RBFOX1: variants seen among roughly 807,000 people sequenced by gnomAD.
RBFOX1 encodes RNA binding fox-1 homolog 1.
A neutral mutation model predicts 57.7 loss-of-function variants in RBFOX1; 8 were observed. The observed-to-expected ratio is 0.14, with a 90% CI of 0.08 to 0.25. RBFOX1 has a LOEUF of 0.25. Among genes scored for constraint, RBFOX1 ranks in the 10% least tolerant of loss-of-function variants. The pLI is 1.00. For missense variants in RBFOX1, 611 were observed against 548.5 expected, an observed-to-expected ratio of 1.11 and a Z score of -1.14; for synonymous variants, 326 against 222.4, an observed-to-expected ratio of 1.47 and a Z score of -4.15.
At chr16:6,527,424 AT>A (rs1228031120) in intron 2 of RBFOX1, among the ~76,000 whole-genome samples, 6 of 152,112 alleles carry the variant, frequency 3.9e-5, no homozygotes, top group African/African-American at 1.4e-4. Flanking sequence ...CACTTAATGT[AT>A]TTTTGGGGCT....
chr16:6,311,837 C>G (rs149611240), intron 1 of RBFOX1, among the ~76,000 whole-genome samples: 1 of 152,140 alleles, frequency 6.6e-6, no homozygotes, highest in Non-Finnish European at 1.5e-5. Flanking sequence ...GTTCACTTCT[C>G]CCATCCCAGG....
chr16:7,309,452 T>C (rs1334796651), intron 4 of RBFOX1, among the ~76,000 whole-genome samples: 1 of 152,236 alleles, frequency 6.6e-6, no homozygotes, highest in Non-Finnish European at 1.5e-5. Context: ...GCCATTCGCC[T>C]GCTCTGCCTG....
intron 1 of RBFOX1, among the ~76,000 whole-genome samples, chr16:6,312,653 T>TTTCCTTCCTTCC (rs71145211): frequency 7.9e-5 from 10 of 126,560 alleles, no homozygotes; most frequent in South Asian, 6.1e-4. Context: ...TAGTTCCTTC[T>TTTCCTTCCTTCC]TTCCTTCCTT....
chr16:7,252,518 G>T (rs1185188159), intron 4 of RBFOX1, among the ~76,000 whole-genome samples: 2 of 152,042 alleles, frequency 1.3e-5, no homozygotes, highest in Non-Finnish European at 2.9e-5. Flanking sequence ...TATATTTCTG[G>T]CTTTTCATTA....
rs71145238 is a variant in RBFOX1, at chr16:6,506,624, A to ATTTT, written c.-63-147941_-63-147938dup. On this transcript the variant is annotated intron_variant, in intron 2 of 15. Coordinates refer to ENST00000550418, the MANE Select transcript of RBFOX1 (RefSeq NM_018723.4). ...ACGGTAATAACAATCACAGTAGCTA[A>ATTTT]TTTTTTTTTTTTTTTTTTTTTTTTT... 3.1e-4 allele frequency among the ~76,000 whole-genome samples: 31 copies of ATTTT among 98,458 alleles called. 1 individual carries two copies. The highest frequency in any genetic ancestry group is 8.3e-4 in the African/African-American group (19 of 22,972). 64.6% of individuals were successfully genotyped at this position (98,458 alleles called of 152,430 possible).
At chr16:6,678,689 G>A (rs533016406) in intron 3 of RBFOX1, among the ~76,000 whole-genome samples, 46 of 151,948 alleles carry the variant, frequency 3.0e-4, no homozygotes, top group Middle Eastern at 3.4e-3. Context: ...CAAATGTAGG[G>A]AATCCTTTAA....
intron 1 of RBFOX1, among the ~76,000 whole-genome samples, chr16:5,336,517 T>A (rs2151286028): frequency 6.6e-6 from 1 of 152,308 alleles, no homozygotes; most frequent in East Asian, 1.9e-4. Context: ...TGTGTGTGGA[T>A]GAGCCGTCCT....
intron 15 of RBFOX1, chr16:7,709,432 A>G (rs1474577512): frequency 1.5e-6 from 2 of 1,334,112 alleles, no homozygotes; most frequent in Non-Finnish European, 9.9e-7. Flanking sequence ...AACAGAATGC[A>G]GTGTCAATGC....
At chr16:5,908,980 C>G (rs1679988833) in intron 4 of RBFOX1, among the ~76,000 whole-genome samples, 1 of 151,846 alleles carries the variant, frequency 6.6e-6, no homozygotes. Context: ...CTGCTAGAGA[C>G]TTGATCTTGG....
intron 7 of RBFOX1, among the ~76,000 whole-genome samples, chr16:7,591,200 T>C (rs572314044): frequency 7.0e-4 from 107 of 152,188 alleles, no homozygotes; most frequent in African/African-American, 2.3e-3. Context: ...GCAGGAGAAG[T>C]TGCATGTGCA....
chr16:5,898,575 A>G (rs1372841606), intron 4 of RBFOX1, among the ~76,000 whole-genome samples: 2 of 151,166 alleles, frequency 1.3e-5, no homozygotes, highest in Non-Finnish European at 2.9e-5. Context: ...AATCCTCTCT[A>G]CAATGAGCAT....
At chr16:6,174,509 C>T (rs1421096053) in intron 1 of RBFOX1, among the ~76,000 whole-genome samples, 4 of 152,064 alleles carry the variant, frequency 2.6e-5, no homozygotes, top group Non-Finnish European at 4.4e-5. Context: ...GCACAAGAGT[C>T]GCTTGAACCC....
chr16:7,195,465 A>T (rs1016067981), intron 4 of RBFOX1, among the ~76,000 whole-genome samples: 3 of 152,216 alleles, frequency 2.0e-5, no homozygotes, highest in Non-Finnish European at 4.4e-5. Flanking sequence ...TGGCAAGGCA[A>T]AACAGAACAA....
intron 13 of RBFOX1, among the ~76,000 whole-genome samples, chr16:7,676,346 C>G (rs1254581078): frequency 2.6e-5 from 4 of 152,238 alleles, no homozygotes; most frequent in Middle Eastern, 6.8e-3. Flanking sequence ...AAAGCATTCA[C>G]TTTATAAGAA....
chr16:7,275,944 C>A (rs2095431819), intron 4 of RBFOX1, among the ~76,000 whole-genome samples: 1 of 152,126 alleles, frequency 6.6e-6, no homozygotes, highest in South Asian at 2.1e-4. Context: ...CTCCAAACAC[C>A]ACCACCACCA....
upstream of RBFOX1, among the ~76,000 whole-genome samples, chr16:6,014,598 A>G (rs992024525): frequency 6.6e-6 from 1 of 152,132 alleles, no homozygotes; most frequent in Non-Finnish European, 1.5e-5. Flanking sequence ...ATAAGGTGCA[A>G]TCCATTCCCC....
intron 4 of RBFOX1, among the ~76,000 whole-genome samples, chr16:7,479,728 G>T (rs552719211): frequency 7.9e-5 from 12 of 152,146 alleles, no homozygotes; most frequent in Admixed American, 1.3e-4. Flanking sequence ...GGGGGCAGGT[G>T]TAGGTGATTG....
At chr16:6,274,171 A>G (rs1194760025) in intron 1 of RBFOX1, among the ~76,000 whole-genome samples, 1 of 152,346 alleles carries the variant, frequency 6.6e-6, no homozygotes, top group South Asian at 2.1e-4. Context: ...ACACGCAGTT[A>G]TCAGATAACC....
chr16:6,434,353 C>G (rs1357670458), intron 2 of RBFOX1, among the ~76,000 whole-genome samples: 1 of 152,138 alleles, frequency 6.6e-6, no homozygotes, highest in East Asian at 1.9e-4. Flanking sequence ...GGCTTCCTTA[C>G]TGGCATGGGT....
Sources: gnomAD v4.1 joint callset for allele counts (sites outside exome capture counted in the v4.1 genomes callset) on GRCh38, gnomAD v4.1.1 for gene constraint, MANE v1.5 for transcripts, NCBI Gene and HGNC (gene_info 2026-07-23, HGNC 2026-07-21) for gene names.